Variants in VRK2 observed in about 807,000 individuals in gnomAD.
The protein encoded by VRK2 is VRK serine/threonine kinase 2.
A neutral mutation model predicts 57.6 loss-of-function variants in VRK2; 60 were observed. The ratio of observed to expected loss-of-function variants is 1.04; its 90% CI spans 0.85 to 1.29. VRK2 has a LOEUF of 1.29. Ranked by LOEUF, VRK2 falls within the 50% of genes most tolerant of loss-of-function variation. VRK2 has a pLI of 0.00. For missense variants in VRK2, 705 were observed against 588.1 expected, an observed-to-expected ratio of 1.20 and a Z score of -2.06; for synonymous variants, 231 against 199.2, an observed-to-expected ratio of 1.16 and a Z score of -1.35.
intron 1 of VRK2, among the ~76,000 whole-genome samples, chr2:57,931,311 T>G (rs1670716576): frequency 6.6e-6 from 1 of 152,184 alleles, no homozygotes; most frequent in Non-Finnish European, 1.5e-5. Flanking sequence ...TCTAAATTTT[T>G]TATTACAACC....
intron 7 of VRK2, among the ~76,000 whole-genome samples, chr2:58,119,099 C>T (rs747539522): frequency 5.4e-4 from 82 of 152,260 alleles, no homozygotes; most frequent in Admixed American, 9.8e-4. Flanking sequence ...ACAGGGGATG[C>T]GATGGCTTGG....
chr2:57,962,566 T>A (rs1459788583), intron 1 of VRK2, among the ~76,000 whole-genome samples: 1 of 152,126 alleles, frequency 6.6e-6, no homozygotes, highest in Non-Finnish European at 1.5e-5. Context: ...ATCCTCTCCC[T>A]CCTCCCTCCC....
chr2:58,049,343 C>G (rs1675362214), intron 2 of VRK2, among the ~76,000 whole-genome samples: 1 of 152,032 alleles, frequency 6.6e-6, no homozygotes. Context: ...AATATTTAGG[C>G]AATACAAGAG....
At chr2:58,119,008 A>C (rs1676982264) in intron 7 of VRK2, among the ~76,000 whole-genome samples, 1 of 152,190 alleles carries the variant, frequency 6.6e-6, no homozygotes. Context: ...GAATGTCATC[A>C]GTTAAGGCGG....
intron 1 of VRK2, among the ~76,000 whole-genome samples, chr2:57,952,212 G>C (rs1442939313): frequency 6.6e-6 from 1 of 151,896 alleles, no homozygotes; most frequent in Non-Finnish European, 1.5e-5. Flanking sequence ...TATGCACTGG[G>C]AAACCAAAAA....
chr2:57,981,424 C>T (rs1370890908), intron 1 of VRK2, among the ~76,000 whole-genome samples: 9 of 152,136 alleles, frequency 5.9e-5, no homozygotes, highest in Admixed American at 3.3e-4. Context: ...GACACTGTTC[C>T]CTTTTTATAT....
intron 1 of VRK2, among the ~76,000 whole-genome samples, chr2:58,003,121 T>C (rs1211362732): frequency 7.2e-5 from 11 of 152,100 alleles, no homozygotes; most frequent in Non-Finnish European, 1.3e-4. Flanking sequence ...AACAAACATA[T>C]ACATAAACTA....
chr2:58,154,124 C>T (rs575137862), intron 12 of VRK2, among the ~76,000 whole-genome samples: 2 of 152,020 alleles, frequency 1.3e-5, no homozygotes, highest in African/African-American at 4.8e-5. Flanking sequence ...CCCTTAAATG[C>T]CTGTGGGGTC....
At chr2:58,073,669 T>C (rs1246888207) in intron 2 of VRK2, among the ~76,000 whole-genome samples, 1 of 147,472 alleles carries the variant, frequency 6.8e-6, no homozygotes, top group East Asian at 1.9e-4. Context: ...TTTATATTTA[T>C]ATTTATATTT....
chr2:57,946,414 G>A (rs1671263184), intron 1 of VRK2, among the ~76,000 whole-genome samples: 2 of 151,854 alleles, frequency 1.3e-5, no homozygotes, highest in Non-Finnish European at 2.9e-5. Flanking sequence ...AGATTTCTTA[G>A]TACAATTCTG....
intron 1 of VRK2, among the ~76,000 whole-genome samples, chr2:57,911,699 T>A (rs1324574527): frequency 6.6e-6 from 1 of 152,238 alleles, no homozygotes; most frequent in Non-Finnish European, 1.5e-5. Context: ...TTTACAGTGA[T>A]AATCACATAC....
intron 2 of VRK2, among the ~76,000 whole-genome samples, chr2:58,030,546 G>C (rs948688959): frequency 1.3e-5 from 2 of 151,906 alleles, no homozygotes; most frequent in Non-Finnish European, 2.9e-5. Context: ...ATATTTTCTT[G>C]TTTGGCCAGG....
intron 9 of VRK2, among the ~76,000 whole-genome samples, chr2:58,133,171 TGCA>T (rs1679465271): frequency 6.6e-6 from 1 of 152,154 alleles, no homozygotes; most frequent in African/African-American, 2.4e-5. Context: ...TTTATCAATA[TGCA>T]TATACAGATA....
chr2:57,974,196 G>A (rs1672177484), intron 1 of VRK2, among the ~76,000 whole-genome samples: 1 of 151,938 alleles, frequency 6.6e-6, no homozygotes, highest in Non-Finnish European at 1.5e-5. Flanking sequence ...TATTGTTTCT[G>A]CTGTGAAGAA....
intron 3 of VRK2, among the ~76,000 whole-genome samples, chr2:58,039,940 G>C (rs546403930): frequency 2.6e-5 from 4 of 151,000 alleles, no homozygotes; most frequent in African/African-American, 9.7e-5. Flanking sequence ...TTTTGAGACA[G>C]AGTCTCACTC....
intron 12 of VRK2, among the ~76,000 whole-genome samples, chr2:58,150,459 T>C (rs1286043621): frequency 6.6e-6 from 1 of 151,332 alleles, no homozygotes; most frequent in African/African-American, 2.4e-5. Flanking sequence ...CTTTCAGTTC[T>C]GATAATGGTA....
At chr2:58,119,858 A>T (rs952310100) in intron 7 of VRK2, among the ~76,000 whole-genome samples, 5 of 151,834 alleles carry the variant, frequency 3.3e-5, no homozygotes, top group Admixed American at 6.5e-5. Flanking sequence ...AAAAAGGTTT[A>T]TATGAAGGTT....
At chr2:58,131,970 T>A (rs774035669) in intron 9 of VRK2, 42 bp downstream of exon 9, 6 of 1,610,604 alleles carry the variant, frequency 3.7e-6, no homozygotes. Context: ...GCACCAGGTC[T>A]GAAGGGATAC....
chr2:57,987,040 T>G (rs776540639), intron 1 of VRK2, among the ~76,000 whole-genome samples: 42 of 151,974 alleles, frequency 2.8e-4, no homozygotes, highest in Admixed American at 5.9e-4. Context: ...CCTCACACCA[T>G]ATACAAAAAT....
Sources: gnomAD v4.1 joint callset for allele counts (sites outside exome capture counted in the v4.1 genomes callset) on GRCh38, gnomAD v4.1.1 for gene constraint, MANE v1.5 for transcripts, NCBI Gene and HGNC (gene_info 2026-07-23, HGNC 2026-07-21) for gene names.